GPR137: variants seen among roughly 807,000 people sequenced by gnomAD.
GPR137 encodes G protein-coupled receptor 137.
A neutral mutation model predicts 38.9 loss-of-function variants in GPR137; 20 were observed. That is an observed-to-expected ratio of 0.51 (90% CI 0.36 to 0.75). The LOEUF is 0.75. Ranked by LOEUF, GPR137 falls within the 30% of genes least tolerant of loss-of-function variation. GPR137 has a pLI of 0.00. For synonymous variants in GPR137, 226 were observed against 235.8 expected (o/e 0.96, Z 0.38); for missense variants, 456 against 526.4 (o/e 0.87, Z 1.31).
upstream of GPR137, among the ~76,000 whole-genome samples, chr11:64,274,727 G>A (rs1279524601): frequency 5.3e-5 from 8 of 151,562 alleles, no homozygotes; most frequent in East Asian, 2.0e-4. Flanking sequence ...AGGCTGAGGC[G>A]GGAGAATCAC....
chr11:64,284,596 C>T (rs2033729026), upstream of GPR137: 11 of 1,498,296 alleles, frequency 7.3e-6, no homozygotes, highest in Non-Finnish European at 9.8e-6. Flanking sequence ...GACCCAGGCC[C>T]CGCCCCGCCC....
At position 64,289,129 on chromosome 11, in the gene GPR137, T is replaced by A. The variant is rs772766864; in HGVS notation, c.1124T>A (p.Leu375Gln). The change falls in exon 7 of 7, where the codon CTG (leucine) becomes CAG (glutamine). Residue 375 changes from leucine (L) to glutamine (Q), a missense_variant. Physicochemically the swap from Leu to Gln is moderately radical, Grantham distance 113 (BLOSUM62 -2). Coordinates refer to ENST00000438980, the MANE Select transcript of GPR137 (RefSeq NM_001170880.2). Reference protein sequence around the residue: ...YGGSQTKTTPLLFSQVPGPGG... With the variant: ...YGGSQTKTTPQLFSQVPGPGG... ...GGCAGCCAGACGAAGACCACTCCTC[T>A]GCTCTTCTCCCAGGTGCCAGGACCA... 9 of 1,613,512 alleles carry A rather than the reference T, an allele frequency of 5.6e-6. No homozygotes were observed. The South Asian group carries it at 9.9e-5, about 18-fold the overall frequency.
upstream of GPR137, chr11:64,272,757 G>T (rs960605687): frequency 2.0e-5 from 3 of 152,256 alleles, no homozygotes; most frequent in Non-Finnish European, 4.4e-5. Context: ...AGGCTGGAAG[G>T]TTCCAAAGGT....
At chr11:64,285,745 A>T (rs1242286421), upstream of GPR137, 6 of 985,132 alleles carry the variant, frequency 6.1e-6, no homozygotes, top group African/African-American at 1.0e-4. Flanking sequence ...CAATTCTCGT[A>T]CGGTTTCACG....
Position 64,286,191 on chromosome 11 carries a change from G to A in GPR137, c.-334G>A, listed in dbSNP as rs370798028. 27 of 1,102,154 alleles carry A rather than the reference G, an allele frequency of 2.4e-5. No individual in the cohort carries two copies. Among genetic ancestry groups the A allele is most frequent in the East Asian group, 5.3e-5 (1 of 18,830 alleles). 68.3% of individuals were successfully genotyped at this position (1,102,154 alleles called of 1,614,324 possible). ...CGACATGAACGACCGAGGCCAGGGA[G>A]TCCTCTCCTTGGGCCTCTGCATCCC... is the stretch of plus-strand genomic sequence containing the variant. On this transcript the variant is annotated 5_prime_UTR_variant, in exon 1 of 7. Transcript: ENST00000438980.
At chr11:64,284,159 G>A (rs1356737769), upstream of GPR137, 1 of 1,551,938 alleles carries the variant, frequency 6.4e-7, no homozygotes, top group Non-Finnish European at 8.7e-7. Context: ...TGTCCCGGCA[G>A]GTGGAGGTGG....
At chr11:64,284,534 G>A (rs2033723472), upstream of GPR137, 2 of 1,516,918 alleles carry the variant, frequency 1.3e-6, no homozygotes, top group African/African-American at 2.7e-5. Context: ...TGGCCTGGCA[G>A]GGAGCTGAGG....
chr11:64,286,120 G>C lies in GPR137; in HGVS notation c.-405G>C, dbSNP rs1211796323. On this transcript the variant is annotated 5_prime_UTR_variant, in exon 1 of 7. Coordinates refer to ENST00000438980, the MANE Select transcript of GPR137 (RefSeq NM_001170880.2). ...TTGGGCGCCCCTCGCAGCGGCCGCT[G>C]CCCTGACCCGACGGGTATCAGCCGG... is the stretch of plus-strand genomic sequence containing the variant. 2.6e-5 allele frequency: 26 copies of C among 1,009,340 alleles called. No individual in the cohort carries two copies. The highest frequency in any genetic ancestry group is 3.1e-5 in the Non-Finnish European group (26 of 846,142). 62.5% of individuals were successfully genotyped at this position (1,009,340 alleles called of 1,614,324 possible).
intron 2 of GPR137, 36 bp downstream of exon 2, chr11:64,287,050 G>C: frequency 6.2e-7 from 1 of 1,605,538 alleles, no homozygotes; most frequent in Non-Finnish European, 8.5e-7. Flanking sequence ...TCAGCCTCCA[G>C]GTCAGGGGCA....
At chr11:64,273,525 G>A (rs999018173), upstream of GPR137, among the ~76,000 whole-genome samples, 9 of 152,058 alleles carry the variant, frequency 5.9e-5, no homozygotes, top group Non-Finnish European at 1.3e-4. Flanking sequence ...CCTCTACCCA[G>A]ACCGATAAAG....
rs1256976852 is a variant in GPR137 at position 64,288,625 on chromosome 11, G to T, written c.935G>T (p.Gly312Val). The T allele has an allele frequency of 1.2e-6, 2 of 1,612,864 alleles. No homozygotes were observed. The highest frequency in any genetic ancestry group is 1.7e-6 in the Non-Finnish European group (2 of 1,179,510). Residue 312 changes from glycine to valine, a missense_variant, in exon 6 of 7, where the codon GGG becomes GTG. Coordinates refer to ENST00000438980, the MANE Select transcript of GPR137 (RefSeq NM_001170880.2). This position sits in a 1 kb window ranked among gnomAD's most constrained non-coding sequence, Gnocchi z 5.5. ...CAGAGCACCAGCCACATCCTCAATG[G>T]GCAGGTCTTTGCCTCTCGGTCCTAC... is the stretch of plus-strand genomic sequence containing the variant. ...QDLSTSHILN[G>V]QVFASRSYFF...
At chr11:64,287,074 T>C (rs2034173762) in intron 2 of GPR137, 60 bp downstream of exon 2, 1 of 1,577,920 alleles carries the variant, frequency 6.3e-7, no homozygotes. Flanking sequence ...GACAGTCCCA[T>C]GTAGATCCCT....
upstream of GPR137, chr11:64,285,511 C>G (rs372518055): frequency 1.0e-3 from 1,009 of 985,102 alleles, 17 homozygotes; most frequent in South Asian, 0.028. Flanking sequence ...CTTCAGAGAC[C>G]GAGGGACGGG....
rs1012537877 is a variant in GPR137 at position 64,288,598 on chromosome 11, C to T, written c.913-5C>T. On this transcript the variant is annotated splice_region_variant and splice_polypyrimidine_tract_variant and intron_variant, in intron 5 of 6. Coordinates refer to ENST00000438980, the MANE Select transcript of GPR137 (RefSeq NM_001170880.2). This position sits in a 1 kb window ranked among gnomAD's most constrained non-coding sequence, Gnocchi z 5.5. ...GTAAGTATCGATGATGGCTTCCTCC[C>T]CCAGAGCACCAGCCACATCCTCAAT... The T allele has an allele frequency of 3.7e-6, 6 of 1,613,232 alleles. No individual in the cohort carries two copies. The Admixed American group carries it at 5.0e-5, about 13-fold the overall frequency.
rs1461695973 is a variant in GPR137, at chr11:64,288,388, C to G, written c.832C>G (p.Leu278Val). 1 of 1,613,960 alleles carries G rather than the reference C, an allele frequency of 6.2e-7. No individual in the cohort carries two copies. Among genetic ancestry groups the G allele is most frequent in the East Asian group, 2.2e-5 (1 of 44,880 alleles). The change falls in exon 5 of 7, where the codon CTC becomes GTC. Residue 278 changes from leucine (L) to valine (V), a missense_variant. Leu to Val is a conservative substitution (Grantham distance 32, BLOSUM62 1). Transcript: ENST00000438980. This position sits in a 1 kb window ranked among gnomAD's most constrained non-coding sequence, Gnocchi z 5.5. ...LGNKGYLVFG[L>V]ILFVWELLPT... is the part of the protein sequence containing the mutation. ...GAACAAAGGCTACCTGGTATTTGGC[C>G]TCATCCTCTTCGTGTGGGAGCTACT...
Position 64,288,107 on chromosome 11 carries a change from G to A in GPR137, c.676G>A (p.Val226Ile). The change falls in exon 4 of 7, where the codon GTC becomes ATC. Residue 226 changes from valine (V) to isoleucine (I), a missense_variant. Coordinates refer to ENST00000438980, the MANE Select transcript of GPR137 (RefSeq NM_001170880.2). The surrounding 1 kb of genome is among the most constrained non-coding windows in gnomAD (Gnocchi z 5.5). The stretch of plus-strand genomic sequence containing the variant: ...GGCGGCCGCGATGGGTGGCGCCATG[G>A]TCCTGCTCTATGCCAGCCGGGCCTG... ...CQAAAMGGAMVLLYASRACYN... is the reference protein window; with the variant it reads ...CQAAAMGGAMILLYASRACYN... The A allele has an allele frequency of 6.2e-7, 1 of 1,612,248 alleles. No individual in the cohort carries two copies. The highest frequency in any genetic ancestry group is 8.5e-7 in the Non-Finnish European group (1 of 1,179,970).
chr11:64,287,386 C>T (rs980079935), intron 2 of GPR137: 3 of 886,828 alleles, frequency 3.4e-6, no homozygotes, highest in Non-Finnish European at 4.1e-6. Flanking sequence ...TCCCAGCCAT[C>T]TTTTATTTGT....
At chr11:64,283,710 T>C (rs1420009214), upstream of GPR137, among the ~76,000 whole-genome samples, 1 of 152,224 alleles carries the variant, frequency 6.6e-6, no homozygotes, top group Non-Finnish European at 1.5e-5. Context: ...ACCAGGAAGG[T>C]GTGGCCTTAG....
In GPR137 at chr11:64,289,043, G is replaced by A. The variant is rs749884881; in HGVS notation, c.1038G>A (p.Ser346=). 3.6e-5 allele frequency: 57 copies of A among 1,574,868 alleles called. No homozygotes were observed. The highest frequency in any genetic ancestry group is 4.6e-5 in the East Asian group (2 of 43,380). Residue 346 remains serine (S), a synonymous_variant, in exon 7 of 7, where the codon TCG becomes TCA. Transcript: ENST00000438980. ...EHSRGESTSM[S]GSLGSGSWYG... is the part of the protein sequence containing the mutation. ...CCCTGTTTCTCTGCTGCAGTATGTC[G>A]GGCAGTCTAGGCTCTGGGAGCTGGT...
Sources: gnomAD v4.1 joint callset for allele counts (sites outside exome capture counted in the v4.1 genomes callset) on GRCh38, gnomAD v4.1.1 for gene constraint, Gnocchi (gnomAD v3.1) non-coding constraint, MANE v1.5 for transcripts, NCBI Gene and HGNC (gene_info 2026-07-23, HGNC 2026-07-21) for gene names.